Variants in RPGRIP1 observed in about 807,000 individuals in gnomAD.
RPGRIP1 encodes X-linked retinitis pigmentosa GTPase regulator-interacting protein 1.
A neutral mutation model predicts 157.9 loss-of-function variants in RPGRIP1; 128 were observed. The observed-to-expected ratio is 0.81, with a 90% CI of 0.70 to 0.94. The LOEUF (loss-of-function observed/expected upper bound fraction) is 0.94, where lower values mean the gene tolerates loss of function less well. Ranked by LOEUF, RPGRIP1 falls within the 40% of genes least tolerant of loss-of-function variation. The probability of loss-of-function intolerance (pLI) is 0.00; values close to 1 mark genes in which losing one functional copy is unlikely to be tolerated. For synonymous variants in RPGRIP1, 554 were observed against 571.6 expected (o/e 0.97, Z 0.44); for missense variants, 1,486 against 1,545.8 (o/e 0.96, Z 0.65).
At chr14:21,334,020 T>A (rs939088621) in intron 20 of RPGRIP1, among the ~76,000 whole-genome samples, 2 of 151,376 alleles carry the variant, frequency 1.3e-5, no homozygotes, top group South Asian at 2.1e-4. Context: ...CCTCCCGGAT[T>A]CAAGCAACTC....
intron 19 of RPGRIP1, 24 bp from the exon 20 acceptor site, chr14:21,330,225 A>G (rs1044223059): frequency 1.3e-6 from 2 of 1,511,160 alleles, no homozygotes; most frequent in African/African-American, 1.5e-5. Flanking sequence ...CCAGCTATGT[A>G]GTATTGTTGT....
intron 17 of RPGRIP1, 116 bp downstream of exon 17, chr14:21,326,289 A>G: frequency 2.9e-6 from 2 of 680,612 alleles, no homozygotes; most frequent in Admixed American, 3.0e-5. Context: ...ACCTGAAGAT[A>G]AAGGATTTAG....
rs10131759 is a variant in RPGRIP1, at chr14:21,320,933, A to T, written c.1468-326A>T. Among the ~76,000 whole-genome samples, 80,373 of 151,984 alleles carry T rather than the reference A, an allele frequency of 0.53. 21,292 individuals carry two copies. The highest frequency in any genetic ancestry group is 0.64 in the South Asian group (3,085 of 4,830). The stretch of plus-strand genomic sequence containing the variant: ...ACTTTTTGGAAAACTGTGAGAAGGC[A>T]GAGCGTAGAGAACTTCATGAGCTCC... On this transcript the variant is annotated intron_variant, in intron 12 of 24. Coordinates refer to ENST00000400017, the MANE Select transcript of RPGRIP1 (RefSeq NM_020366.4).
chr14:21,326,074 T>A lies in RPGRIP1; in HGVS notation c.2611T>A (p.Ser871Thr). The change falls in exon 17 of 25, where the codon TCT becomes ACT. Residue 871 changes from serine to threonine, a missense_variant. By Grantham distance (58) the Ser-to-Thr change is moderately conservative. Transcript: ENST00000400017. The stretch of plus-strand genomic sequence containing the variant: ...CCATTATCTGAGACGGGAGGCCTTG[T>A]CTATACATGTTTTTGATGATGAAGA... The part of the protein sequence containing the change: ...LDHYLRREAL[S>T]IHVFDDEDLE... 1 of 1,613,872 alleles carries A rather than the reference T, an allele frequency of 6.2e-7. No homozygotes were observed.
At chr14:21,343,437 T>A (rs1256655139) in intron 22 of RPGRIP1, among the ~76,000 whole-genome samples, 1 of 152,172 alleles carries the variant, frequency 6.6e-6, no homozygotes, top group African/African-American at 2.4e-5. Context: ...TCTTCACAGA[T>A]CACTTCGCCT....
At chr14:21,311,403 T>G (rs1014983620) in intron 8 of RPGRIP1, among the ~76,000 whole-genome samples, 3 of 151,900 alleles carry the variant, frequency 2.0e-5, no homozygotes, top group African/African-American at 7.3e-5. Flanking sequence ...AATACAAAAA[T>G]TAGCTGGGCG....
intron 20 of RPGRIP1, among the ~76,000 whole-genome samples, chr14:21,331,688 G>GGA (rs1883809738): frequency 6.6e-6 from 1 of 152,116 alleles, no homozygotes; most frequent in Non-Finnish European, 1.5e-5. Flanking sequence ...TATCAGGAAA[G>GGA]GACACCCTTT....
intron 2 of RPGRIP1, among the ~76,000 whole-genome samples, chr14:21,291,493 T>C (rs1880526526): frequency 1.3e-5 from 2 of 152,142 alleles, no homozygotes; most frequent in Non-Finnish European, 2.9e-5. Flanking sequence ...ACAAGTTTAT[T>C]TTATGAAAAA....
chr14:21,343,703 G>A (rs1885253602), intron 22 of RPGRIP1, among the ~76,000 whole-genome samples: 1 of 151,784 alleles, frequency 6.6e-6, no homozygotes. Context: ...TTTTGGCCAG[G>A]CTGGTCTCAA....
In RPGRIP1 at chr14:21,326,037, C is replaced by T; in HGVS notation, c.2574C>T (p.Thr858=). The T allele has an allele frequency of 6.2e-7, 1 of 1,613,992 alleles. No individual in the cohort carries two copies. The change falls in exon 17 of 25, where the codon ACC becomes ACT. Residue 858 remains threonine, a synonymous_variant. Coordinates refer to ENST00000400017, the MANE Select transcript of RPGRIP1 (RefSeq NM_020366.4). ...AGGCTCGATTCCCAGTGCTTGTGAC[C>T]TCTGACCTGGACCATTATCTGAGAC... The part of the protein sequence containing the change: ...RDQARFPVLV[T]SDLDHYLRRE...
At chr14:21,301,269 T>C in intron 4 of RPGRIP1, 32 bp downstream of exon 4, 1 of 1,561,588 alleles carries the variant, frequency 6.4e-7, no homozygotes, top group Admixed American at 1.9e-5. Context: ...CCTACAGGGC[T>C]AAGACACTGG....
chr14:21,338,384 G>A (rs1055227009), intron 21 of RPGRIP1, among the ~76,000 whole-genome samples: 1 of 152,122 alleles, frequency 6.6e-6, no homozygotes, highest in African/African-American at 2.4e-5. Context: ...TGTATGCCAG[G>A]TAGTAAGTTT....
chr14:21,281,637 C>G (rs963801462), intron 1 of RPGRIP1, among the ~76,000 whole-genome samples: 2 of 147,980 alleles, frequency 1.4e-5, no homozygotes, highest in Non-Finnish European at 3.0e-5. Flanking sequence ...TGCAGTGAGG[C>G]GAGAGCATAC....
chr14:21,305,044 C>G (rs972404758), intron 6 of RPGRIP1, among the ~76,000 whole-genome samples: 1 of 152,174 alleles, frequency 6.6e-6, no homozygotes, highest in African/African-American at 2.4e-5. Flanking sequence ...CCTCGTAATC[C>G]GCCTGTCTCA....
chr14:21,344,592 A>C (rs1885370741), intron 22 of RPGRIP1, among the ~76,000 whole-genome samples: 1 of 152,244 alleles, frequency 6.6e-6, no homozygotes, highest in African/African-American at 2.4e-5. Flanking sequence ...AAAGTCGTGC[A>C]TGAAATCTTT....
intron 12 of RPGRIP1, 52 bp from the exon 13 acceptor site, chr14:21,321,207 A>C (rs1882419646): frequency 6.5e-7 from 1 of 1,549,570 alleles, no homozygotes; most frequent in African/African-American, 1.4e-5. Flanking sequence ...AATCATTATT[A>C]CTTTACCTGT....
chr14:21,291,115 G>C (rs1420821014), intron 2 of RPGRIP1, among the ~76,000 whole-genome samples: 1 of 152,078 alleles, frequency 6.6e-6, no homozygotes, highest in Non-Finnish European at 1.5e-5. Context: ...ATCTACTTGG[G>C]AGAAATGTCT....
At chr14:21,342,524 A>G (rs981679588) in intron 21 of RPGRIP1, among the ~76,000 whole-genome samples, 22 of 151,342 alleles carry the variant, frequency 1.5e-4, no homozygotes, top group Non-Finnish European at 3.1e-4. Flanking sequence ...AGCCTGGGCA[A>G]CAAAGCAAGA....
chr14:21,346,813 G>A (rs1262158308), intron 23 of RPGRIP1, among the ~76,000 whole-genome samples: 1 of 152,188 alleles, frequency 6.6e-6, no homozygotes, highest in Non-Finnish European at 1.5e-5. Context: ...TGGGATTATA[G>A]GCATGAGCCA....
Sources: gnomAD v4.1 joint callset for allele counts (sites outside exome capture counted in the v4.1 genomes callset) on GRCh38, gnomAD v4.1.1 for gene constraint, MANE v1.5 for transcripts, NCBI Gene and HGNC (gene_info 2026-07-23, HGNC 2026-07-21) for gene names.